Variants in GOLGB1 observed in about 807,000 individuals in gnomAD.
The protein encoded by GOLGB1 is golgin subfamily B member 1.
GOLGB1 carries 174 observed loss-of-function variants against 336.9 expected under a neutral mutation model. The observed-to-expected ratio is 0.52, with a 90% confidence interval of 0.46 to 0.59. GOLGB1 has a LOEUF of 0.59. GOLGB1 is among the 20% of genes least tolerant of loss of function. GOLGB1 has a pLI of 0.00. For missense variants in GOLGB1, 3,331 were observed against 3,645.3 expected (o/e 0.91, Z 2.22); for synonymous variants, 1,208 against 1,289.2 (o/e 0.94, Z 1.35).
chr3:121,725,807 T>C (rs986865546), intron 5 of GOLGB1, among the ~76,000 whole-genome samples: 2 of 151,848 alleles, frequency 1.3e-5, no homozygotes, highest in Non-Finnish European at 2.9e-5. Flanking sequence ...GGGGAACTGG[T>C]AGCTTTATAA....
chr3:121,723,669 A>G (rs1328597166), intron 5 of GOLGB1, among the ~76,000 whole-genome samples: 1 of 152,196 alleles, frequency 6.6e-6, no homozygotes, highest in African/African-American at 2.4e-5. Flanking sequence ...TTTAATTATT[A>G]CAAATAAACC....
At chr3:121,689,906 T>G (rs1942254019) in intron 14 of GOLGB1, among the ~76,000 whole-genome samples, 1 of 152,198 alleles carries the variant, frequency 6.6e-6, no homozygotes. Flanking sequence ...GAGGACTGCT[T>G]GAGCCTAGGA....
rs1272916169 is a variant in GOLGB1 at position 121,699,898 on chromosome 3, A to G, written c.1520-13T>C. 6 of 1,514,448 alleles carry G rather than the reference A, an allele frequency of 4.0e-6. No individual in the cohort carries two copies. The South Asian group carries it at 4.6e-5, about 12-fold the overall frequency. 93.8% of individuals were successfully genotyped at this position (1,514,448 alleles called of 1,614,324 possible). A position where few individuals can be genotyped will look rare whatever the true frequency, so the allele number is the denominator to read the frequency against. The stretch of plus-strand genomic sequence containing the variant: ...GAAGACAGTTTTTCTGAAAGTCACA[A>G]AATAAATATCTTTAGAAGATATATG... On this transcript the variant is annotated splice_polypyrimidine_tract_variant and intron_variant, in intron 11 of 21. Coordinates refer to ENST00000614479, the MANE Select transcript of GOLGB1 (RefSeq NM_001366282.2).
chr3:121,734,193 C>A (rs1946321258), intron 1 of GOLGB1, among the ~76,000 whole-genome samples: 1 of 152,022 alleles, frequency 6.6e-6, no homozygotes, highest in South Asian at 2.1e-4. Flanking sequence ...AGTTCAACAC[C>A]AGCCTGGCCA....
In GOLGB1 at chr3:121,696,660, T is replaced by G; in HGVS notation, c.3863A>C (p.Asn1288Thr). Residue 1288 changes from asparagine to threonine, a missense_variant, in exon 13 of 22, where the codon AAC becomes ACC. Coordinates refer to ENST00000614479, the MANE Select transcript of GOLGB1 (RefSeq NM_001366282.2). ...ATGAGAAGGCCAGTCTGGGCACAAGTTGGACTCTAAAACAGGTTGAGTGTG... is the reference window on the plus strand; with the variant it reads ...ATGAGAAGGCCAGTCTGGGCACAAGGTGGACTCTAAAACAGGTTGAGTGTG... ...QHHTQPVLESNLCPDWPSHSE... is the reference protein window; with the variant it reads ...QHHTQPVLESTLCPDWPSHSE... 1 of 1,614,154 alleles carries G rather than the reference T, an allele frequency of 6.2e-7. No homozygotes were observed. The highest frequency in any genetic ancestry group is 8.5e-7 in the Non-Finnish European group (1 of 1,180,012).
intron 1 of GOLGB1, among the ~76,000 whole-genome samples, chr3:121,746,078 A>G (rs1486980975): frequency 6.6e-6 from 1 of 152,192 alleles, no homozygotes; most frequent in Non-Finnish European, 1.5e-5. Context: ...TATGCCATCT[A>G]CTTTGGAATT....
chr3:121,714,505 C>A (rs1576406606), intron 10 of GOLGB1, among the ~76,000 whole-genome samples: 1 of 151,378 alleles, frequency 6.6e-6, no homozygotes, highest in African/African-American at 2.4e-5. Flanking sequence ...TTCACTAAAC[C>A]TGATCAAATC....
chr3:121,681,501 G>A (rs775047557), intron 15 of GOLGB1, among the ~76,000 whole-genome samples, 186 bp downstream of exon 15: 8 of 152,162 alleles, frequency 5.3e-5, no homozygotes, highest in East Asian at 1.9e-4. Context: ...AATGTGGTCC[G>A]CGAATTGTAC....
chr3:121,707,925 A>C (rs888009569), intron 10 of GOLGB1, among the ~76,000 whole-genome samples: 2 of 152,212 alleles, frequency 1.3e-5, no homozygotes, highest in Non-Finnish European at 2.9e-5. Context: ...AAGTACCAGA[A>C]ATGGTAACTG....
At chr3:121,683,858 G>A (rs1018729538) in intron 14 of GOLGB1, among the ~76,000 whole-genome samples, 3 of 152,062 alleles carry the variant, frequency 2.0e-5, no homozygotes, top group African/African-American at 7.2e-5. Context: ...GGCCGGGGAC[G>A]GTGGCTCATG....
In GOLGB1 at chr3:121,697,095, A is replaced by G. The variant is rs759727395; in HGVS notation, c.3428T>C (p.Val1143Ala). The change falls in exon 13 of 22, where the codon GTA (valine) becomes GCA (alanine). Residue 1143 changes from valine (V) to alanine (A), a missense_variant. Val to Ala is a moderately conservative substitution (Grantham distance 64, BLOSUM62 0). Coordinates refer to ENST00000614479, the MANE Select transcript of GOLGB1 (RefSeq NM_001366282.2). ...SNTDASDGDS[V>A]ALVKETVVIS... ...CACCACTGTTTCCTTTACAAGTGCT[A>G]CGGAGTCCCCATCACTTGCATCCGT... 6.2e-7 allele frequency: 1 copy of G among 1,613,876 alleles called. No individual in the cohort carries two copies. Among genetic ancestry groups the G allele is most frequent in the African/African-American group, 1.3e-5 (1 of 74,900 alleles).
chr3:121,691,573 G>C lies in GOLGB1; in HGVS notation c.7791C>G (p.Ala2597=), dbSNP rs925953569. Residue 2597 remains alanine, a synonymous_variant, in exon 14 of 22, where the codon GCC becomes GCG. Coordinates refer to ENST00000614479, the MANE Select transcript of GOLGB1 (RefSeq NM_001366282.2). ...ATAAATCTTGTTTCTCTTCTTGTAG[G>C]GCATTAAAGGACCTCCGCAGATCCT... The part of the protein sequence containing the change: ...ANEDLRRSFN[A]LQEEKQDLSK... 1.9e-6 allele frequency: 3 copies of C among 1,613,382 alleles called. No individual in the cohort carries two copies. In the East Asian group the frequency reaches 6.7e-5, roughly 36 times the overall value.
chr3:121,689,648 T>A (rs11922382), intron 14 of GOLGB1, among the ~76,000 whole-genome samples: 17,170 of 138,442 alleles, frequency 0.12, 1,077 homozygotes, highest in African/African-American at 0.18. Flanking sequence ...AATGATCAAT[T>A]AAAAAAAAAA....
rs550933194 is a variant in GOLGB1, at chr3:121,730,355, G to A, written c.97-338C>T. ...TAAGTAAAACTCTCTTAACCACTACGCATTACTTCTTGTCTTTTCAGAAAA... is the reference window on the plus strand; with the variant it reads ...TAAGTAAAACTCTCTTAACCACTACACATTACTTCTTGTCTTTTCAGAAAA... On this transcript the variant is annotated intron_variant, in intron 2 of 21. Transcript: ENST00000614479. 6.4e-5 allele frequency: 13 copies of A among 202,044 alleles called. No homozygotes were observed. In the South Asian group the frequency reaches 1.3e-3, roughly 20 times the overall value. The allele number at this position is 202,044 out of a possible 1,614,324, so 12.5% of individuals were successfully genotyped here.
chr3:121,695,644 A>T lies in GOLGB1; in HGVS notation c.4879T>A (p.Tyr1627Asn). The stretch of plus-strand genomic sequence containing the variant: ...TCTGCTTCATTACTAACATTCTCAT[A>T]GGACTGCAGAAGAATTTCATACTCT... ...QKEYEILLQS[Y>N]ENVSNEAERI... The change falls in exon 13 of 22, where the codon TAT (tyrosine) becomes AAT (asparagine). Residue 1627 changes from tyrosine (Y) to asparagine (N), a missense_variant. Coordinates refer to ENST00000614479, the MANE Select transcript of GOLGB1 (RefSeq NM_001366282.2). The T allele has an allele frequency of 6.2e-7, 1 of 1,613,504 alleles. No homozygotes were observed. Among genetic ancestry groups the T allele is most frequent in the Non-Finnish European group, 8.5e-7 (1 of 1,179,924 alleles).
In GOLGB1 at chr3:121,694,419, C is replaced by T. The variant is rs763241409; in HGVS notation, c.6104G>A (p.Arg2035Lys). ...EVKQLQKDCI[R>K]YQEKISALER... The stretch of plus-strand genomic sequence containing the variant: ...CAGAGCACTAATTTTCTCTTGATAC[C>T]TGATGCAGTCCTTCTGTAGCTGCTT... Residue 2035 changes from arginine to lysine, a missense_variant, in exon 13 of 22, where the codon AGG becomes AAG. Physicochemically the swap from Arg to Lys is conservative, Grantham distance 26. Coordinates refer to ENST00000614479, the MANE Select transcript of GOLGB1 (RefSeq NM_001366282.2). The T allele has an allele frequency of 2.5e-6, 4 of 1,613,136 alleles. No homozygotes were observed. In the Admixed American group the frequency reaches 5.0e-5, roughly 20 times the overall value.
chr3:121,689,469 C>T (rs1321559038), intron 14 of GOLGB1, among the ~76,000 whole-genome samples: 1 of 150,674 alleles, frequency 6.6e-6, no homozygotes, highest in African/African-American at 2.4e-5. Context: ...CGTTAAGAGT[C>T]ATCACCACTC....
chr3:121,715,625 A>G (rs1944701631), intron 9 of GOLGB1, among the ~76,000 whole-genome samples: 1 of 152,040 alleles, frequency 6.6e-6, no homozygotes, highest in Admixed American at 6.6e-5. Context: ...AGATTCCACC[A>G]CATGGTTTTA....
At chr3:121,686,780 C>T (rs529337227) in intron 14 of GOLGB1, among the ~76,000 whole-genome samples, 9 of 152,184 alleles carry the variant, frequency 5.9e-5, no homozygotes, top group African/African-American at 2.2e-4. Flanking sequence ...AGGATCTGAG[C>T]TCTGGAATGA....
Sources: allele counts gnomAD v4.1 joint callset (sites outside exome capture counted in the v4.1 genomes callset), GRCh38; gene constraint gnomAD v4.1.1; transcripts MANE v1.5; gene names NCBI Gene and HGNC (gene_info 2026-07-23, HGNC 2026-07-21).